INPP4B: variants seen among roughly 807,000 people sequenced by gnomAD.
The protein encoded by INPP4B is inositol polyphosphate 4-phosphatase type II.
INPP4B carries 55 observed loss-of-function variants against 122.5 expected under a neutral mutation model. That is an observed-to-expected ratio of 0.45 (90% CI 0.36 to 0.56). The LOEUF is 0.56. Ranked by LOEUF, INPP4B falls within the 20% of genes least tolerant of loss-of-function variation. INPP4B has a pLI of 0.00. For missense variants in INPP4B, 1,000 were observed against 1,097.7 expected (o/e 0.91, Z 1.26); for synonymous variants, 403 against 388.7 (o/e 1.04, Z -0.43).
At chr4:142,568,233 C>A (rs1019620601) in intron 2 of INPP4B, among the ~76,000 whole-genome samples, 4 of 151,028 alleles carry the variant, frequency 2.6e-5, no homozygotes, top group Non-Finnish European at 5.9e-5. Context: ...CAAGGAAGTT[C>A]TTTTTCTCAA....
chr4:142,162,870 A>C (rs1239773039), intron 16 of INPP4B, among the ~76,000 whole-genome samples: 1 of 151,918 alleles, frequency 6.6e-6, no homozygotes, highest in Non-Finnish European at 1.5e-5. Context: ...GTCTGTACTG[A>C]CAAAATTTAT....
In INPP4B at chr4:142,468,636, A is replaced by T. The variant is rs531570391; in HGVS notation, c.-190-5910T>A. Reference sequence around the variant, plus strand: ...AGCTGATTCTTAAAAAGAACCTGGAACCTCCCCTCTTGCTCTCTCTTGCTT... The same window carrying T: ...AGCTGATTCTTAAAAAGAACCTGGATCCTCCCCTCTTGCTCTCTCTTGCTT... On this transcript the variant is annotated intron_variant, in intron 2 of 25. Coordinates refer to ENST00000262992, the MANE Select transcript of INPP4B (RefSeq NM_001101669.3). Among the ~76,000 whole-genome samples, 54 of 151,570 alleles carry T rather than the reference A, an allele frequency of 3.6e-4. 1 individual carries two copies. The South Asian group carries it at 0.011, about 31-fold the overall frequency.
At chr4:142,543,203 C>G (rs1161966251) in intron 2 of INPP4B, among the ~76,000 whole-genome samples, 1 of 152,132 alleles carries the variant, frequency 6.6e-6, no homozygotes. Flanking sequence ...CATTGCATTA[C>G]TGTGGCTCAC....
intron 7 of INPP4B, among the ~76,000 whole-genome samples, chr4:142,397,005 T>G (rs2149070004): frequency 6.6e-6 from 1 of 152,308 alleles, no homozygotes. Flanking sequence ...CTTATGAAAG[T>G]GACATGGGCA....
At chr4:142,042,860 C>T (rs13123463) in intron 25 of INPP4B, among the ~76,000 whole-genome samples, 108,875 of 152,094 alleles carry the variant, frequency 0.72, 41,808 homozygotes, top group South Asian at 0.85. Flanking sequence ...CGCGCCCAGA[C>T]GATTCTATTA....
chr4:142,209,636 T>C (rs1844027537), intron 12 of INPP4B, among the ~76,000 whole-genome samples: 1 of 151,482 alleles, frequency 6.6e-6, no homozygotes, highest in South Asian at 2.1e-4. Flanking sequence ...CTACTAAAAA[T>C]ACAAAACTTA....
chr4:142,402,154 G>C (rs1801827383), intron 7 of INPP4B, among the ~76,000 whole-genome samples: 1 of 152,162 alleles, frequency 6.6e-6, no homozygotes, highest in Non-Finnish European at 1.5e-5. Context: ...TGCCATTAAA[G>C]AGTTTACTGC....
chr4:142,204,990 G>A (rs1188680394), intron 14 of INPP4B, among the ~76,000 whole-genome samples: 3 of 151,998 alleles, frequency 2.0e-5, no homozygotes, highest in Non-Finnish European at 4.4e-5. Context: ...GCTTGCACGT[G>A]TAAACACACA....
At chr4:142,432,658 C>G (rs1460901212) in intron 3 of INPP4B, among the ~76,000 whole-genome samples, 1 of 152,062 alleles carries the variant, frequency 6.6e-6, no homozygotes, top group East Asian at 1.9e-4. Context: ...GCACCACGTT[C>G]TCCCAAAGAC....
At position 142,788,278 on chromosome 4, in the gene INPP4B, CAT is replaced by C. The variant is rs1776031204; in HGVS notation, c.-254+57929_-254+57930del. Among the ~76,000 whole-genome samples, 5 of 151,690 alleles carry C rather than the reference CAT, an allele frequency of 3.3e-5. No homozygotes were observed. The South Asian group carries it at 1.0e-3, about 32-fold the overall frequency. ...AAATTTTAGTTAACTTTTTATAAAA[CAT>C]ATTGAAAGTAGTAAAAGTATAAGAT... is the stretch of plus-strand genomic sequence containing the variant. On this transcript the variant is annotated intron_variant, in intron 1 of 25. Transcript: ENST00000262992.
intron 2 of INPP4B, among the ~76,000 whole-genome samples, chr4:142,702,100 G>T (rs1761859548): frequency 2.0e-5 from 3 of 151,834 alleles, no homozygotes; most frequent in Non-Finnish European, 4.4e-5. Flanking sequence ...CCAATACAAG[G>T]TTTTCCTGGC....
At chr4:142,647,996 T>A (rs1187365730) in intron 2 of INPP4B, among the ~76,000 whole-genome samples, 3 of 152,232 alleles carry the variant, frequency 2.0e-5, no homozygotes, top group African/African-American at 7.2e-5. Flanking sequence ...CACCATTCAA[T>A]CCGAGTTCAA....
At chr4:142,175,850 ACAGATGTGTCAC>A (rs2152957743) in intron 15 of INPP4B, among the ~76,000 whole-genome samples, 1 of 152,212 alleles carries the variant, frequency 6.6e-6, no homozygotes, top group Admixed American at 6.5e-5. Flanking sequence ...CTCTAAAGAT[ACAGATGTGTCAC>A]CAGAATTTGA....
intron 1 of INPP4B, among the ~76,000 whole-genome samples, chr4:142,794,961 T>TAC (rs1455412566): frequency 1.3e-5 from 2 of 151,706 alleles, no homozygotes; most frequent in African/African-American, 4.8e-5. Flanking sequence ...TATATACATA[T>TAC]ATATATTCAT....
At chr4:142,042,789 C>T (rs1748898836) in intron 25 of INPP4B, among the ~76,000 whole-genome samples, 1 of 152,070 alleles carries the variant, frequency 6.6e-6, no homozygotes, top group South Asian at 2.1e-4. Flanking sequence ...TCTTAAACTC[C>T]TGACCTTGTG....
intron 12 of INPP4B, among the ~76,000 whole-genome samples, chr4:142,219,517 T>C (rs1848553209): frequency 6.6e-6 from 1 of 152,210 alleles, no homozygotes; most frequent in South Asian, 2.1e-4. Flanking sequence ...ACTTATTGTC[T>C]AAAGCAGTGG....
intron 7 of INPP4B, among the ~76,000 whole-genome samples, chr4:142,368,322 C>A (rs2148658664): frequency 6.6e-6 from 1 of 152,084 alleles, no homozygotes; most frequent in East Asian, 1.9e-4. Context: ...AAAATAGTAT[C>A]ACAATGAAAA....
intron 2 of INPP4B, among the ~76,000 whole-genome samples, chr4:142,693,608 T>C (rs139118869): frequency 5.1e-4 from 77 of 151,738 alleles, no homozygotes; most frequent in African/African-American, 1.7e-3. Context: ...ACCATTATTT[T>C]AAATTTATAA....
intron 7 of INPP4B, among the ~76,000 whole-genome samples, chr4:142,377,467 G>A (rs1019374570): frequency 1.3e-5 from 2 of 152,028 alleles, no homozygotes; most frequent in African/African-American, 4.8e-5. Flanking sequence ...TCAGAAGAGT[G>A]AAAAAGAGGG....
Sources: allele counts gnomAD v4.1 joint callset (sites outside exome capture counted in the v4.1 genomes callset), GRCh38; gene constraint gnomAD v4.1.1; transcripts MANE v1.5; gene names NCBI Gene and HGNC (gene_info 2026-07-23, HGNC 2026-07-21).